The following ORAI2 variants were observed in gnomAD, a reference collection of about 807,000 sequenced individuals.
The protein encoded by ORAI2 is ORAI calcium release-activated calcium modulator 2, also known as protein orai-2.
In ORAI2, 10 loss-of-function variants were observed where a neutral mutation model predicts 16.2. That is an observed-to-expected ratio of 0.62 (90% CI 0.38 to 1.04). The LOEUF is 1.04. ORAI2 is among the 50% of genes least tolerant of loss of function. The probability of loss-of-function intolerance (pLI) is 0.01; values close to 1 mark genes in which losing one functional copy is unlikely to be tolerated. For missense variants in ORAI2, 238 were observed against 355.5 expected (o/e 0.67, Z 2.66); for synonymous variants, 150 against 157.5 (o/e 0.95, Z 0.35).
In ORAI2 at chr7:102,447,402, T is replaced by A. The variant is rs1039315265; in HGVS notation, c.*350T>A. 3.9e-6 allele frequency: 1 copy of A among 258,634 alleles called. No individual in the cohort carries two copies. Among genetic ancestry groups the A allele is most frequent in the Non-Finnish European group, 7.4e-6 (1 of 135,434 alleles). The allele number at this position is 258,634 out of a possible 1,614,324, so 16.0% of individuals were successfully genotyped here. A position where few individuals can be genotyped will look rare whatever the true frequency, so the allele number is the denominator to read the frequency against. ...GTCCGGGGGAGTCTCAGACCCGGCA[T>A]GCGTGGCTGGCAGACCTGGGAGAGC... On this transcript the variant is annotated 3_prime_UTR_variant, in exon 4 of 4. Transcript: ENST00000495936.
chr7:102,445,803 TTTCCTTCC>T (rs759906455), intron 3 of ORAI2, among the ~76,000 whole-genome samples: 1 of 151,788 alleles, frequency 6.6e-6, no homozygotes, highest in Non-Finnish European at 1.5e-5. Flanking sequence ...CTTTCTTTTG[TTTCCTTCC>T]TTCCTTCCTC....
rs1174001874 is a variant in ORAI2 at position 102,454,566 on chromosome 7, G to GC, written c.*7516dup. 1 of 153,416 alleles carries GC rather than the reference G, an allele frequency of 6.5e-6. No homozygotes were observed. Among genetic ancestry groups the GC allele is most frequent in the Non-Finnish European group, 1.5e-5 (1 of 68,082 alleles). The allele number at this position is 153,416 out of a possible 1,614,324, so 9.5% of individuals were successfully genotyped here. A position where few individuals can be genotyped will look rare whatever the true frequency, so the allele number is the denominator to read the frequency against. On this transcript the variant is annotated 3_prime_UTR_variant, in exon 4 of 4. Coordinates refer to ENST00000495936, the MANE Select transcript of ORAI2 (RefSeq NM_001126340.3). The stretch of plus-strand genomic sequence containing the variant: ...AGGACCAGACTCGGCCTCACCACCT[G>GC]CCACTCTGAGCAAACAGGCAACGGT...
Position 102,446,574 on chromosome 7 carries a change from C to T in ORAI2, c.287C>T (p.Ala96Val), listed in dbSNP as rs1797370608. ...QYQYPRPLLIAFSACTTVLVA... is the reference protein window; with the variant it reads ...QYQYPRPLLIVFSACTTVLVA... The stretch of plus-strand genomic sequence containing the variant: ...CAGTACCCGCGGCCGCTGCTGATTG[C>T]CTTCAGCGCCTGCACCACGGTGCTG... Residue 96 changes from alanine to valine, a missense_variant, in exon 4 of 4, where the codon GCC becomes GTC. Ala to Val is a moderately conservative substitution (Grantham distance 64). Transcript: ENST00000495936. 1 of 1,613,420 alleles carries T rather than the reference C, an allele frequency of 6.2e-7. No individual in the cohort carries two copies. The highest frequency in any genetic ancestry group is 1.6e-4 in the Middle Eastern group (1 of 6,062).
intron 3 of ORAI2, among the ~76,000 whole-genome samples, chr7:102,445,482 C>G (rs539432548): frequency 1.3e-5 from 2 of 152,042 alleles, no homozygotes; most frequent in Admixed American, 1.3e-4. Context: ...CGAGGTCTCA[C>G]TCTGTCACCC....
chr7:102,438,647 C>T (rs1797119914), intron 2 of ORAI2, among the ~76,000 whole-genome samples: 1 of 152,132 alleles, frequency 6.6e-6, no homozygotes, highest in Admixed American at 6.6e-5. Context: ...TGGTGGCGGA[C>T]ACATAATCCC....
Position 102,448,950 on chromosome 7 carries a change from T to G in ORAI2, c.*1898T>G, listed in dbSNP as rs1187243560. 1 of 151,902 alleles carries G rather than the reference T, an allele frequency of 6.6e-6. No individual in the cohort carries two copies. Among genetic ancestry groups the G allele is most frequent in the East Asian group, 1.9e-4 (1 of 5,168 alleles). The allele number at this position is 151,902 out of a possible 1,614,324, so 9.4% of individuals were successfully genotyped here. On this transcript the variant is annotated 3_prime_UTR_variant, in exon 4 of 4. Transcript: ENST00000495936. ...ATCTCTCGTAAAAGCTTAAGCTCTCTCCGGGGTCCGGGTTGGCCGTGCCGT... is the reference window on the plus strand; with the variant it reads ...ATCTCTCGTAAAAGCTTAAGCTCTCGCCGGGGTCCGGGTTGGCCGTGCCGT...
In ORAI2 at chr7:102,452,050, C is replaced by G. The variant is rs1377615782; in HGVS notation, c.*4998C>G. The stretch of plus-strand genomic sequence containing the variant: ...AGAGCACTGGTCACCTCAGGACATT[C>G]TCCAGCCCCAAGTCCCTGTGGGGCA... On this transcript the variant is annotated 3_prime_UTR_variant, in exon 4 of 4. Transcript: ENST00000495936. The G allele has an allele frequency of 1.3e-5, 2 of 152,276 alleles. No homozygotes were observed. Among genetic ancestry groups the G allele is most frequent in the Non-Finnish European group, 2.9e-5 (2 of 68,084 alleles). The allele number at this position is 152,276 out of a possible 1,614,324, so 9.4% of individuals were successfully genotyped here. A position where few individuals can be genotyped will look rare whatever the true frequency, so the allele number is the denominator to read the frequency against.
Position 102,452,936 on chromosome 7 carries a change from A to G in ORAI2, c.*5884A>G, listed in dbSNP as rs1797565201. On this transcript the variant is annotated 3_prime_UTR_variant, in exon 4 of 4. Coordinates refer to ENST00000495936, the MANE Select transcript of ORAI2 (RefSeq NM_001126340.3). ...GCAATTCTTCTGCCAAGCTGGGACT[A>G]CAGGCATGCACCACCACCATGCCCT... 6.6e-6 allele frequency: 1 copy of G among 152,128 alleles called. No homozygotes were observed. The highest frequency in any genetic ancestry group is 2.4e-5 in the African/African-American group (1 of 41,394). The allele number at this position is 152,128 out of a possible 1,614,324, so 9.4% of individuals were successfully genotyped here. A position where few individuals can be genotyped will look rare whatever the true frequency, so the allele number is the denominator to read the frequency against.
At chr7:102,441,490 G>C (rs55893391) in intron 3 of ORAI2, among the ~76,000 whole-genome samples, 40,383 of 143,660 alleles carry the variant, frequency 0.28, 6,193 homozygotes, top group East Asian at 0.37. Context: ...ACTGAGCCGA[G>C]ATTGCATCAC....
chr7:102,439,296 C>A, intron 3 of ORAI2, 115 bp downstream of exon 3: 2 of 853,080 alleles, frequency 2.3e-6, no homozygotes, highest in Non-Finnish European at 3.7e-6. Context: ...CCAGGATGGA[C>A]CAGTAGGAAG....
rs1309691623 is a variant in ORAI2 at position 102,454,877 on chromosome 7, CAG to C, written c.*7827_*7828del. On this transcript the variant is annotated 3_prime_UTR_variant, in exon 4 of 4. Transcript: ENST00000495936. ...CGGTGGCTCCTGGGGCCCAGCCCTGCAGAAACACATGGGGCAGGCTGGGCAGA... is the reference window on the plus strand; with the variant it reads ...CGGTGGCTCCTGGGGCCCAGCCCTGCAAACACATGGGGCAGGCTGGGCAGA... 6.6e-6 allele frequency: 1 copy of C among 152,320 alleles called. No individual in the cohort carries two copies. Among genetic ancestry groups the C allele is most frequent in the East Asian group, 1.9e-4 (1 of 5,198 alleles). The allele number at this position is 152,320 out of a possible 1,614,324, so 9.4% of individuals were successfully genotyped here.
chr7:102,440,181 C>T (rs1797157643), intron 3 of ORAI2, among the ~76,000 whole-genome samples: 1 of 152,186 alleles, frequency 6.6e-6, no homozygotes, highest in Non-Finnish European at 1.5e-5. Context: ...CCGTCTCAGG[C>T]ACCACCCAAA....
At chr7:102,437,448 C>T (rs999655058) in intron 2 of ORAI2, among the ~76,000 whole-genome samples, 3 of 151,854 alleles carry the variant, frequency 2.0e-5, no homozygotes, top group African/African-American at 7.3e-5. Flanking sequence ...AACCCTGTCT[C>T]TACTAAAAAT....
chr7:102,445,397 G>A (rs1292568235), intron 3 of ORAI2, among the ~76,000 whole-genome samples: 1 of 151,844 alleles, frequency 6.6e-6, no homozygotes, highest in Non-Finnish European at 1.5e-5. Context: ...CCAAAGTGCT[G>A]GGATTACAGG....
intron 3 of ORAI2, among the ~76,000 whole-genome samples, chr7:102,445,119 C>T (rs558053239): frequency 3.7e-4 from 55 of 148,688 alleles, no homozygotes; most frequent in African/African-American, 1.3e-3. Context: ...TCCTCACCCT[C>T]GGCCTCACTT....
chr7:102,443,297 C>T (rs888360270), intron 3 of ORAI2, among the ~76,000 whole-genome samples: 1 of 135,180 alleles, frequency 7.4e-6, no homozygotes, highest in Non-Finnish European at 1.6e-5. Flanking sequence ...TTTTTTGAGA[C>T]GGAATCTTGC....
At chr7:102,444,963 G>A (rs1292779273) in intron 3 of ORAI2, among the ~76,000 whole-genome samples, 1 of 152,022 alleles carries the variant, frequency 6.6e-6, no homozygotes, top group Non-Finnish European at 1.5e-5. Context: ...CACCGCGCCT[G>A]GCTGACCTCA....
chr7:102,443,421 GGC>G (rs1399531370), intron 3 of ORAI2, among the ~76,000 whole-genome samples: 2 of 151,636 alleles, frequency 1.3e-5, no homozygotes, highest in African/African-American at 4.8e-5. Context: ...TGGGACTACA[GGC>G]GCCCGCTTTT....
At chr7:102,437,709 A>G (rs895054784) in intron 2 of ORAI2, among the ~76,000 whole-genome samples, 4 of 152,148 alleles carry the variant, frequency 2.6e-5, no homozygotes, top group African/African-American at 9.7e-5. Flanking sequence ...TGGCACCTGG[A>G]TGTTGGAAGA....
Sources: allele counts gnomAD v4.1 joint callset (sites outside exome capture counted in the v4.1 genomes callset), GRCh38; gene constraint gnomAD v4.1.1; transcripts MANE v1.5; gene names NCBI Gene and HGNC (gene_info 2026-07-23, HGNC 2026-07-21).